Variants in PREP observed in about 807,000 individuals in gnomAD.
PREP encodes prolyl endopeptidase.
Under a neutral mutation model 87.6 loss-of-function variants are expected in PREP, and 29 were observed. The observed-to-expected ratio is 0.33, with a 90% CI of 0.25 to 0.45. PREP has a LOEUF of 0.45. PREP is among the 20% of genes least tolerant of loss of function. The pLI, the probability that PREP is intolerant of heterozygous loss-of-function variation, is 1.00. For missense variants in PREP, 695 were observed against 886.5 expected, an observed-to-expected ratio of 0.78 and a Z score of 2.74; for synonymous variants, 337 against 328.6, an observed-to-expected ratio of 1.03 and a Z score of -0.28.
At chr6:105,281,672 C>T in intron 14 of PREP, 74 bp downstream of exon 14, 1 of 1,526,638 alleles carries the variant, frequency 6.6e-7, no homozygotes, top group Non-Finnish European at 8.9e-7. Flanking sequence ...AAAGCTCAAG[C>T]ACTAATCCTG....
intron 6 of PREP, among the ~76,000 whole-genome samples, chr6:105,361,384 G>C (rs1463349757): frequency 6.6e-6 from 1 of 152,038 alleles, no homozygotes; most frequent in South Asian, 2.1e-4. Context: ...CACTCCAGTC[G>C]TGTGGTGGTG....
chr6:105,316,201 T>C (rs777662697), intron 10 of PREP, among the ~76,000 whole-genome samples: 2 of 152,228 alleles, frequency 1.3e-5, no homozygotes, highest in Non-Finnish European at 2.9e-5. Context: ...GTGAGAGATG[T>C]GCATGTTTTC....
rs781542657 is a variant in PREP, at chr6:105,373,453, C to G, written c.511G>C (p.Val171Leu). 2 of 1,614,226 alleles carry G rather than the reference C, an allele frequency of 1.2e-6. No individual in the cohort carries two copies. Among genetic ancestry groups the G allele is most frequent in the Non-Finnish European group, 1.7e-6 (2 of 1,180,042 alleles). The change falls in exon 5 of 15, where the codon GTC (valine) becomes CTC (leucine). Residue 171 changes from valine (V) to leucine (L), a missense_variant. Physicochemically the swap from Val to Leu is conservative, Grantham distance 32. Coordinates refer to ENST00000652536, the MANE Select transcript of PREP (RefSeq NM_002726.5). ...AKELPDVLER[V>L]KFSCMAWTHD... ...GTCCAGGCCATACAGCTGAACTTGA[C>G]TCTTTCAAGCACATCTGGAAGCTCT...
chr6:105,345,943 C>G (rs1771785408), intron 7 of PREP, among the ~76,000 whole-genome samples: 1 of 152,182 alleles, frequency 6.6e-6, no homozygotes. Flanking sequence ...CCCCAGTGTT[C>G]AAGTGACAAA....
intron 10 of PREP, among the ~76,000 whole-genome samples, chr6:105,316,758 A>T (rs987880302): frequency 2.0e-5 from 3 of 152,224 alleles, no homozygotes; most frequent in African/African-American, 7.2e-5. Context: ...TTATAAAACA[A>T]GTCATTAAAT....
intron 6 of PREP, among the ~76,000 whole-genome samples, chr6:105,353,543 G>C (rs897929279): frequency 6.6e-6 from 1 of 152,006 alleles, no homozygotes; most frequent in Non-Finnish European, 1.5e-5. Flanking sequence ...AGCCGAGTGG[G>C]GGTGGATCAC....
At chr6:105,322,659 T>C in intron 10 of PREP, 1 of 991,430 alleles carries the variant, frequency 1.0e-6, no homozygotes, top group Non-Finnish European at 1.2e-6. Context: ...CCACAGGCAA[T>C]ATGTAAACAA....
At chr6:105,372,931 C>T (rs938023193) in intron 5 of PREP, among the ~76,000 whole-genome samples, 2 of 152,178 alleles carry the variant, frequency 1.3e-5, no homozygotes, top group South Asian at 2.1e-4. Flanking sequence ...GCAAATCTGA[C>T]GTGCCAGGAG....
chr6:105,374,635 TATATATATATATATATATATATATA>T (rs1562221697), intron 4 of PREP, among the ~76,000 whole-genome samples: 1 of 230 alleles, frequency 4.3e-3, no homozygotes, highest in East Asian at 0.045. Flanking sequence ...GAATTGTTTA[TATATATATATATATATATATATATA>T]TATATATATA....
chr6:105,324,385 A>T (rs1258844727), intron 9 of PREP, among the ~76,000 whole-genome samples: 3 of 152,232 alleles, frequency 2.0e-5, no homozygotes, highest in Non-Finnish European at 2.9e-5. Context: ...CACGACACAA[A>T]ATGATTAATA....
intron 2 of PREP, among the ~76,000 whole-genome samples, chr6:105,383,836 G>A (rs1333212743): frequency 6.6e-6 from 1 of 152,004 alleles, no homozygotes; most frequent in African/African-American, 2.4e-5. Flanking sequence ...TCCATTCTTT[G>A]GTGTATACTT....
intron 10 of PREP, among the ~76,000 whole-genome samples, chr6:105,310,373 TCTC>T (rs1355860819): frequency 6.6e-6 from 1 of 152,076 alleles, no homozygotes; most frequent in Non-Finnish European, 1.5e-5. Context: ...AGAGCGTCTA[TCTC>T]CTCCTCTCTT....
Position 105,281,837 on chromosome 6 carries a change from T to C in PREP, c.1747A>G (p.Met583Val). 6.2e-7 allele frequency: 1 copy of C among 1,614,234 alleles called. No homozygotes were observed. The highest frequency in any genetic ancestry group is 8.5e-7 in the Non-Finnish European group (1 of 1,180,032). ...CVIAQVGVMD[M>V]LKFHKYTIGH... The stretch of plus-strand genomic sequence containing the variant: ...ATGGTATATTTATGAAACTTCAGCA[T>C]GTCCATTACTCCAACTTGGGCAATA... Residue 583 changes from methionine to valine, a missense_variant, in exon 14 of 15, where the codon ATG becomes GTG. By Grantham distance (21) the Met-to-Val change is conservative. This residue lies in a region of PREP where 20 missense variants were observed against 58.9 expected (regional missense o/e 0.34). Transcript: ENST00000652536.
chr6:105,279,042 G>C (rs1004556044), intron 14 of PREP: 2 of 152,200 alleles, frequency 1.3e-5, no homozygotes, highest in Non-Finnish European at 2.9e-5. Context: ...TGCCAGAGGA[G>C]GAGGGCACCT....
At chr6:105,285,635 C>T in intron 11 of PREP, 55 bp from the exon 12 acceptor site, 1 of 1,409,106 alleles carries the variant, frequency 7.1e-7, no homozygotes. Context: ...GAAGACCATG[C>T]CCTCTCTCTC....
At chr6:105,382,466 CACTT>C (rs1365251438) in intron 2 of PREP, among the ~76,000 whole-genome samples, 18 of 152,264 alleles carry the variant, frequency 1.2e-4, no homozygotes, top group Non-Finnish European at 2.2e-4. Flanking sequence ...GATACAGGCT[CACTT>C]ACTGATTGCC....
rs537183305 is a variant in PREP at position 105,296,023 on chromosome 6, G to A, written c.1318-7129C>T. Among the ~76,000 whole-genome samples the A allele has an allele frequency of 2.4e-3, 366 of 152,280 alleles. 2 individuals carry two copies. The highest frequency in any genetic ancestry group is 4.1e-3 in the Non-Finnish European group (280 of 68,010). On this transcript the variant is annotated intron_variant, in intron 10 of 14. Coordinates refer to ENST00000652536, the MANE Select transcript of PREP (RefSeq NM_002726.5). The stretch of plus-strand genomic sequence containing the variant: ...TTCTTAGACATGATACTGCTAAATC[G>A]AAGTATACGTGCACCCAAAAATTCA...
intron 2 of PREP, among the ~76,000 whole-genome samples, chr6:105,386,854 C>G (rs1275026954): frequency 1.3e-5 from 2 of 152,160 alleles, no homozygotes; most frequent in African/African-American, 2.4e-5. Flanking sequence ...TATGGCTAAG[C>G]ACTTTCTCCC....
intron 7 of PREP, among the ~76,000 whole-genome samples, chr6:105,337,586 C>T (rs150425124): frequency 2.0e-5 from 3 of 152,278 alleles, no homozygotes; most frequent in East Asian, 1.9e-4. Context: ...ATGTCTCAGC[C>T]GACTCCCAAT....
Sources: gnomAD v4.1 joint callset for allele counts (sites outside exome capture counted in the v4.1 genomes callset) on GRCh38, gnomAD v4.1.1 for gene constraint, gnomAD v4.1.1 regional missense constraint, MANE v1.5 for transcripts, NCBI Gene and HGNC (gene_info 2026-07-23, HGNC 2026-07-21) for gene names.